CADPS: variants seen among roughly 807,000 people sequenced by gnomAD.
CADPS encodes calcium dependent secretion activator.
A neutral mutation model predicts 167.3 loss-of-function variants in CADPS; 57 were observed. The ratio of observed to expected loss-of-function variants is 0.34; its 90% CI spans 0.28 to 0.42. The LOEUF is 0.42. CADPS is among the 20% of genes least tolerant of loss of function. The pLI, the probability that CADPS is intolerant of heterozygous loss-of-function variation, is 1.00. For missense variants in CADPS, 1,414 were observed against 1,738.1 expected, an observed-to-expected ratio of 0.81 and a Z score of 3.32; for synonymous variants, 676 against 635.3, an observed-to-expected ratio of 1.06 and a Z score of -0.96.
intron 1 of CADPS, among the ~76,000 whole-genome samples, chr3:62,785,733 G>C (rs1281200470): frequency 6.6e-6 from 1 of 152,118 alleles, no homozygotes; most frequent in Non-Finnish European, 1.5e-5. Context: ...AATCTCTCAA[G>C]ATCAGCCTTT....
chr3:62,748,010 T>G (rs192893431), intron 3 of CADPS, among the ~76,000 whole-genome samples: 102 of 151,224 alleles, frequency 6.7e-4, no homozygotes, highest in Non-Finnish European at 5.8e-4. Context: ...CTAAGAAGAG[T>G]CTATTTGCCT....
chr3:62,525,487 C>T (rs1364067820), intron 13 of CADPS, among the ~76,000 whole-genome samples: 5 of 152,074 alleles, frequency 3.3e-5, no homozygotes, highest in Non-Finnish European at 7.4e-5. Flanking sequence ...TTCACAAGTG[C>T]AATAATCTTT....
intron 26 of CADPS, among the ~76,000 whole-genome samples, chr3:62,452,315 C>T (rs1355810284): frequency 1.3e-5 from 2 of 152,034 alleles, no homozygotes; most frequent in Non-Finnish European, 2.9e-5. Flanking sequence ...TGACCCTACA[C>T]ATGTGGCTCT....
chr3:62,738,134 T>G (rs1489724016), intron 3 of CADPS, among the ~76,000 whole-genome samples: 1 of 152,118 alleles, frequency 6.6e-6, no homozygotes, highest in Non-Finnish European at 1.5e-5. Flanking sequence ...GTGCATCCAG[T>G]CTTACACACC....
At chr3:62,574,608 T>C (rs75276530) in intron 8 of CADPS, among the ~76,000 whole-genome samples, 36 of 152,318 alleles carry the variant, frequency 2.4e-4, no homozygotes, top group Middle Eastern at 3.4e-3. Flanking sequence ...ATGCAGTAAA[T>C]AGACATAAGA....
chr3:62,491,451 G>A lies in CADPS; in HGVS notation c.2914C>T (p.His972Tyr), dbSNP rs138691556. The change falls in exon 21 of 30, where the codon CAC (histidine) becomes TAC (tyrosine). Residue 972 changes from histidine to tyrosine, a missense_variant. This residue lies in a region of CADPS where 529 missense variants were observed against 629.6 expected (regional missense o/e 0.84). Transcript: ENST00000383710. Reference protein sequence around the residue: ...YNLCNGKFHKHLQDLFAPLVV... With the variant: ...YNLCNGKFHKYLQDLFAPLVV... Reference sequence around the variant, plus strand: ...AGTGGGGCAAACAGGTCTTGCAGGTGTTTGTGAAATTTTCCATTGCACAAA... The same window carrying A: ...AGTGGGGCAAACAGGTCTTGCAGGTATTTGTGAAATTTTCCATTGCACAAA... The A allele has an allele frequency of 2.5e-6, 4 of 1,613,930 alleles. No homozygotes were observed. In the African/African-American group the frequency reaches 5.3e-5, roughly 22 times the overall value.
chr3:62,742,110 T>A (rs188396097), intron 3 of CADPS, among the ~76,000 whole-genome samples: 211 of 152,204 alleles, frequency 1.4e-3, no homozygotes, highest in Non-Finnish European at 2.5e-3. Flanking sequence ...AAATCACTGC[T>A]CAAAGAAATC....
chr3:62,799,270 C>A (rs2152794556), intron 1 of CADPS, among the ~76,000 whole-genome samples: 1 of 152,232 alleles, frequency 6.6e-6, no homozygotes, highest in East Asian at 1.9e-4. Flanking sequence ...TCAGAGCTAA[C>A]TCTAGATTCT....
intron 6 of CADPS, among the ~76,000 whole-genome samples, chr3:62,632,968 A>AT (rs2065577858): frequency 6.6e-6 from 1 of 152,080 alleles, no homozygotes; most frequent in African/African-American, 2.4e-5. Flanking sequence ...CATGGTTGTG[A>AT]GAGATGCCAG....
intron 4 of CADPS, 75 bp from the exon 5 acceptor site, chr3:62,651,155 G>T: frequency 1.0e-6 from 1 of 955,652 alleles, no homozygotes; most frequent in Non-Finnish European, 1.6e-6. Flanking sequence ...TTTGTCCCAT[G>T]GCCCAGAGTT....
At chr3:62,688,833 T>G (rs2078567557) in intron 3 of CADPS, among the ~76,000 whole-genome samples, 1 of 151,872 alleles carries the variant, frequency 6.6e-6, no homozygotes. Flanking sequence ...GCCCTCAGAG[T>G]GTCTGGGTGG....
At chr3:62,578,018 T>A (rs2082631403) in intron 8 of CADPS, among the ~76,000 whole-genome samples, 1 of 152,108 alleles carries the variant, frequency 6.6e-6, no homozygotes. Context: ...CTATCAATAA[T>A]AACATTAAAT....
rs2081371377 is a variant in CADPS at position 62,864,688 on chromosome 3, T to A, written c.441+9901A>T. Among the ~76,000 whole-genome samples the A allele has an allele frequency of 2.0e-5, 3 of 152,168 alleles. 1 individual carries two copies. In the South Asian group the frequency reaches 6.2e-4, roughly 31 times the overall value. On this transcript the variant is annotated intron_variant, in intron 1 of 29. Transcript: ENST00000383710. The stretch of plus-strand genomic sequence containing the variant: ...CATAATGGATTATAGCCCACCCTAA[T>A]GACCTCATCTTAATCTTCCAAATAA...
intron 6 of CADPS, among the ~76,000 whole-genome samples, chr3:62,594,349 G>A (rs1343020166): frequency 2.6e-5 from 4 of 151,510 alleles, no homozygotes; most frequent in Admixed American, 1.3e-4. Flanking sequence ...TTTTAGTAGA[G>A]ACGCGGTTTC....
At chr3:62,756,732 G>A (rs1036836033) in intron 2 of CADPS, among the ~76,000 whole-genome samples, 6 of 152,186 alleles carry the variant, frequency 3.9e-5, no homozygotes, top group Non-Finnish European at 8.8e-5. Flanking sequence ...AGATGGATAG[G>A]TGAATGGAGA....
chr3:62,779,520 C>A lies in CADPS; in HGVS notation c.442-13536G>T, dbSNP rs183072972. On this transcript the variant is annotated intron_variant, in intron 1 of 29. Coordinates refer to ENST00000383710, the MANE Select transcript of CADPS (RefSeq NM_003716.4). The stretch of plus-strand genomic sequence containing the variant: ...TTCTCTGGCTTCAATCTTCTTGGCC[C>A]ATCATGTGGCTGCCCATTTTGTATT... 3.2e-5 allele frequency: 17 copies of A among 537,186 alleles called. No homozygotes were observed. In the East Asian group the frequency reaches 7.4e-4, roughly 23 times the overall value. 33.3% of individuals were successfully genotyped at this position (537,186 alleles called of 1,614,324 possible). A position where few individuals can be genotyped will look rare whatever the true frequency, so the allele number is the denominator to read the frequency against.
At position 62,499,191 on chromosome 3, in the gene CADPS, G is replaced by T. The variant is rs1229955756; in HGVS notation, c.2677C>A (p.Leu893Ile). ...IRLAELVIEV[L>I]QQNEEHHAEP... is the part of the protein sequence containing the mutation. ...GCGTGGTGCTCCTCATTTTGCTGAA[G>T]AACTTCAATGACTAGTTCAGCAAGA... is the stretch of plus-strand genomic sequence containing the variant. The change falls in exon 18 of 30, where the codon CTT becomes ATT. Residue 893 changes from leucine to isoleucine, a missense_variant. Around this residue, in one of 6 missense-constraint regions of CADPS, gnomAD observed 529 missense variants for 629.6 expected, o/e 0.84. Transcript: ENST00000383710. 2 of 1,613,384 alleles carry T rather than the reference G, an allele frequency of 1.2e-6. No individual in the cohort carries two copies. Among genetic ancestry groups the T allele is most frequent in the East Asian group, 4.5e-5 (2 of 44,860 alleles).
intron 1 of CADPS, among the ~76,000 whole-genome samples, chr3:62,766,204 A>G (rs148191070): frequency 4.0e-4 from 61 of 152,308 alleles, no homozygotes; most frequent in Non-Finnish European, 7.1e-4. Flanking sequence ...AAACAAAGTT[A>G]ATACACTTTT....
At chr3:62,661,146 G>A (rs927862918) in intron 4 of CADPS, among the ~76,000 whole-genome samples, 4 of 152,170 alleles carry the variant, frequency 2.6e-5, no homozygotes, top group African/African-American at 4.8e-5. Context: ...AGCAATAATG[G>A]TAGATAACAC....
Sources: gnomAD v4.1 joint callset for allele counts (sites outside exome capture counted in the v4.1 genomes callset) on GRCh38, gnomAD v4.1.1 for gene constraint, gnomAD v4.1.1 regional missense constraint, MANE v1.5 for transcripts, NCBI Gene and HGNC (gene_info 2026-07-23, HGNC 2026-07-21) for gene names.